DCP2: variants seen among roughly 807,000 people sequenced by gnomAD.
DCP2 encodes m7GpppN-mRNA hydrolase.
A neutral mutation model predicts 56.1 loss-of-function variants in DCP2; 30 were observed. The ratio of observed to expected loss-of-function variants is 0.53; its 90% CI spans 0.40 to 0.73. DCP2 has a LOEUF of 0.73. Ranked by LOEUF, DCP2 falls within the 30% of genes least tolerant of loss-of-function variation. DCP2 has a pLI of 0.00. For synonymous variants in DCP2, 197 were observed against 163.3 expected (o/e 1.21, Z -1.57); for missense variants, 533 against 502.7 (o/e 1.06, Z -0.58).
chr5:112,994,865 A>T (rs1483112446), intron 4 of DCP2, among the ~76,000 whole-genome samples: 1 of 152,188 alleles, frequency 6.6e-6, no homozygotes, highest in Non-Finnish European at 1.5e-5. Context: ...TAAGGAAAAA[A>T]TTCTAAGGTG....
chr5:112,999,920 G>A (rs1168055190), intron 4 of DCP2, among the ~76,000 whole-genome samples: 2 of 151,780 alleles, frequency 1.3e-5, no homozygotes, highest in Non-Finnish European at 2.9e-5. Flanking sequence ...AATTAGCTGG[G>A]CATGGTGACA....
intron 4 of DCP2, among the ~76,000 whole-genome samples, chr5:112,993,313 C>A (rs944425495): frequency 1.3e-5 from 2 of 152,072 alleles, no homozygotes; most frequent in African/African-American, 4.8e-5. Context: ...CTCTCTTGAA[C>A]TTGATTGATT....
chr5:113,005,383 T>A (rs35366622), intron 8 of DCP2, among the ~76,000 whole-genome samples: 1 of 151,784 alleles, frequency 6.6e-6, no homozygotes, highest in South Asian at 2.1e-4. Context: ...AAAGAAGATA[T>A]GCAAATGGCT....
chr5:112,991,206 T>G (rs1748571521), intron 2 of DCP2, among the ~76,000 whole-genome samples: 1 of 152,188 alleles, frequency 6.6e-6, no homozygotes, highest in Non-Finnish European at 1.5e-5. Context: ...TAGAGTAATA[T>G]CAAAATGAAA....
chr5:113,007,456 A>G (rs960357662), intron 8 of DCP2, among the ~76,000 whole-genome samples: 1 of 149,268 alleles, frequency 6.7e-6, no homozygotes, highest in African/African-American at 2.5e-5. Context: ...GCTGTAGTGC[A>G]GTCGTGCCAT....
At chr5:112,997,510 A>G (rs1748917036) in intron 4 of DCP2, among the ~76,000 whole-genome samples, 1 of 152,170 alleles carries the variant, frequency 6.6e-6, no homozygotes. Flanking sequence ...TGGTCAGTTT[A>G]TTCTGCCTCT....
chr5:113,020,871 G>A lies in DCP2; in HGVS notation c.*7387G>A, dbSNP rs1750088729. 1.3e-5 allele frequency: 2 copies of A among 152,194 alleles called. No homozygotes were observed. The highest frequency in any genetic ancestry group is 4.8e-5 in the African/African-American group (2 of 41,454). The allele number at this position is 152,194 out of a possible 1,614,324, so 9.4% of individuals were successfully genotyped here. On this transcript the variant is annotated 3_prime_UTR_variant, in exon 11 of 11. Transcript: ENST00000389063. Reference sequence around the variant, plus strand: ...AATACAATTTGAACGATGGAAGGTTGTTCAGATACTGGCTTTCTGTAAAAA... The same window carrying A: ...AATACAATTTGAACGATGGAAGGTTATTCAGATACTGGCTTTCTGTAAAAA...
Position 113,018,212 on chromosome 5 carries a change from T to A in DCP2, c.*4728T>A, listed in dbSNP as rs1174780536. 1 of 152,222 alleles carries A rather than the reference T, an allele frequency of 6.6e-6. No homozygotes were observed. The highest frequency in any genetic ancestry group is 1.5e-5 in the Non-Finnish European group (1 of 68,044). 9.4% of individuals were successfully genotyped at this position (152,222 alleles called of 1,614,324 possible). Reference sequence around the variant, plus strand: ...GGGAAAAGAGTGAAAGTTACTCTTATGCATGGGAGTGGGCTTAAAGGGTTG... The same window carrying A: ...GGGAAAAGAGTGAAAGTTACTCTTAAGCATGGGAGTGGGCTTAAAGGGTTG... On this transcript the variant is annotated 3_prime_UTR_variant, in exon 11 of 11. Coordinates refer to ENST00000389063, the MANE Select transcript of DCP2 (RefSeq NM_152624.6).
In DCP2 at chr5:113,022,011, T is replaced by C. The variant is rs1380095753; in HGVS notation, c.*8527T>C. ...GCTTTGACTAGGGCTCTTGATTTCA[T>C]GTAAGCATCATGGATTTGATATTTG... On this transcript the variant is annotated 3_prime_UTR_variant, in exon 11 of 11. Transcript: ENST00000389063. 1 of 152,256 alleles carries C rather than the reference T, an allele frequency of 6.6e-6. No individual in the cohort carries two copies. Among genetic ancestry groups the C allele is most frequent in the African/African-American group, 2.4e-5 (1 of 41,468 alleles). 9.4% of individuals were successfully genotyped at this position (152,256 alleles called of 1,614,324 possible).
chr5:112,984,541 C>T (rs976789381), intron 1 of DCP2: 1 of 151,576 alleles, frequency 6.6e-6, no homozygotes, highest in Non-Finnish European at 1.5e-5. Context: ...TTACAGTAGC[C>T]CTTAAAAGCT....
intron 7 of DCP2, among the ~76,000 whole-genome samples, chr5:113,002,985 T>A (rs1367438204): frequency 6.6e-6 from 1 of 152,236 alleles, no homozygotes; most frequent in African/African-American, 2.4e-5. Flanking sequence ...ACATTTTCTG[T>A]AATTTGGATT....
Position 113,013,408 on chromosome 5 carries a change from A to G in DCP2, c.1187A>G (p.Lys396Arg). Reference protein sequence around the residue: ...GQPVACNGHCKFPFSSRAFLS... With the variant: ...GQPVACNGHCRFPFSSRAFLS... ...CCCGTGGCATGTAATGGACATTGCAAGTTCCCCTTTTCATCCAGAGCCTTT... is the reference window on the plus strand; with the variant it reads ...CCCGTGGCATGTAATGGACATTGCAGGTTCCCCTTTTCATCCAGAGCCTTT... The change falls in exon 11 of 11, where the codon AAG becomes AGG. Residue 396 changes from lysine (K) to arginine (R), a missense_variant. By Grantham distance (26) the Lys-to-Arg change is conservative (BLOSUM62 2). Around this residue, in one of 3 missense-constraint regions of DCP2, gnomAD observed 392 missense variants for 346.6 expected, o/e 1.13. Coordinates refer to ENST00000389063, the MANE Select transcript of DCP2 (RefSeq NM_152624.6). 1 of 1,614,174 alleles carries G rather than the reference A, an allele frequency of 6.2e-7. No individual in the cohort carries two copies. The highest frequency in any genetic ancestry group is 8.5e-7 in the Non-Finnish European group (1 of 1,179,990).
rs765659036 is a variant in DCP2 at position 112,977,000 on chromosome 5, C to G, written c.53+14C>G. The G allele has an allele frequency of 5.3e-6, 8 of 1,523,268 alleles. No individual in the cohort carries two copies. In the South Asian group the frequency reaches 8.5e-5, roughly 16 times the overall value. The allele number at this position is 1,523,268 out of a possible 1,614,324, so 94.4% of individuals were successfully genotyped here. ...CGATCTCTGCAGGTACCGCGCTACC[C>G]GACCCCCTTTCGCCCCCGTCGGGTT... On this transcript the variant is annotated intron_variant, in intron 1 of 10. Coordinates refer to ENST00000389063, the MANE Select transcript of DCP2 (RefSeq NM_152624.6).
chr5:113,017,535 C>T lies in DCP2; in HGVS notation c.*4051C>T, dbSNP rs1416807852. 6.6e-6 allele frequency: 1 copy of T among 152,142 alleles called. No homozygotes were observed. The highest frequency in any genetic ancestry group is 1.5e-5 in the Non-Finnish European group (1 of 68,034). 9.4% of individuals were successfully genotyped at this position (152,142 alleles called of 1,614,324 possible). ...TTTTGCTTCCTAGAATTGAGTTGCT[C>T]TTGAAGTCTGTACTCCTGTGTCAGA... On this transcript the variant is annotated 3_prime_UTR_variant, in exon 11 of 11. Transcript: ENST00000389063.
At position 113,008,622 on chromosome 5, in the gene DCP2, G is replaced by A. The variant is rs1475039007; in HGVS notation, c.1047+580G>A. Among the ~76,000 whole-genome samples, 3 of 151,958 alleles carry A rather than the reference G, an allele frequency of 2.0e-5. No homozygotes were observed. The East Asian group carries it at 5.8e-4, about 29-fold the overall frequency. On this transcript the variant is annotated intron_variant, in intron 9 of 10. Transcript: ENST00000389063. ...TAGCTTCACCTGTTTTTCATTTATT[G>A]GTGAGTAATAATAGTAATTTCAAAT...
chr5:112,992,861 T>C, intron 4 of DCP2, 91 bp downstream of exon 4: 1 of 877,922 alleles, frequency 1.1e-6, no homozygotes, highest in African/African-American at 1.8e-5. Context: ...CTTTGGACTG[T>C]CTTAACCCTT....
chr5:112,996,131 A>G (rs1260780618), intron 4 of DCP2, among the ~76,000 whole-genome samples: 1 of 152,222 alleles, frequency 6.6e-6, no homozygotes, highest in Non-Finnish European at 1.5e-5. Flanking sequence ...GTGAGGGGAC[A>G]TAATTTAGTC....
rs557640152 is a variant in DCP2, at chr5:112,981,494, CTGTTA to C, written c.54-4339_54-4335del. ...TATATTCTATTTTGTAAATCTACGT[CTGTTA>C]TATTTTGTGCTATTTGTTGATTGTA... On this transcript the variant is annotated intron_variant, in intron 1 of 10. Transcript: ENST00000389063. Among the ~76,000 whole-genome samples, 20 of 152,104 alleles carry C rather than the reference CTGTTA, an allele frequency of 1.3e-4. No homozygotes were observed. The South Asian group carries it at 3.7e-3, about 28-fold the overall frequency.
Position 112,976,862 on chromosome 5 carries a change from G to T in DCP2, c.-72G>T, listed in dbSNP as rs752563535. 2 of 1,523,032 alleles carry T rather than the reference G, an allele frequency of 1.3e-6. No homozygotes were observed. The highest frequency in any genetic ancestry group is 2.7e-5 in the African/African-American group (2 of 72,990). The allele number at this position is 1,523,032 out of a possible 1,614,324, so 94.3% of individuals were successfully genotyped here. A position where few individuals can be genotyped will look rare whatever the true frequency, so the allele number is the denominator to read the frequency against. The stretch of plus-strand genomic sequence containing the variant: ...GCTGCCAGCTCTCCGGCGAGCCGGA[G>T]TCCTAGTGCCGTACCGTCAGTCCCC... On this transcript the variant is annotated 5_prime_UTR_variant, in exon 1 of 11. Transcript: ENST00000389063.
Sources: gnomAD v4.1 joint callset for allele counts (sites outside exome capture counted in the v4.1 genomes callset) on GRCh38, gnomAD v4.1.1 for gene constraint, gnomAD v4.1.1 regional missense constraint, MANE v1.5 for transcripts, NCBI Gene and HGNC (gene_info 2026-07-23, HGNC 2026-07-21) for gene names.